RBFOX1: variants seen among roughly 807,000 people sequenced by gnomAD.
RBFOX1 encodes the protein RNA binding protein fox-1 homolog 1.
RBFOX1 carries 8 observed loss-of-function variants against 57.7 expected under a neutral mutation model. The ratio of observed to expected loss-of-function variants is 0.14; its 90% confidence interval spans 0.08 to 0.25. The LOEUF (loss-of-function observed/expected upper bound fraction) is 0.25, where lower values mean the gene tolerates loss of function less well. Among genes scored for constraint, RBFOX1 ranks in the 10% least tolerant of loss-of-function variants. The probability of loss-of-function intolerance (pLI) is 1.00; values close to 1 mark genes in which losing one functional copy is unlikely to be tolerated. For missense variants in RBFOX1, 611 were observed against 548.5 expected (o/e 1.11, Z -1.14); for synonymous variants, 326 against 222.4 (o/e 1.47, Z -4.15).
chr16:5,630,726 T>C (rs997034747), intron 3 of RBFOX1, among the ~76,000 whole-genome samples: 2 of 152,154 alleles, frequency 1.3e-5, no homozygotes, highest in African/African-American at 2.4e-5. Flanking sequence ...GGCTTGTCAT[T>C]CATACCCAGG....
chr16:6,919,608 T>C (rs1209124236), intron 3 of RBFOX1, among the ~76,000 whole-genome samples: 1 of 152,098 alleles, frequency 6.6e-6, no homozygotes, highest in Admixed American at 6.6e-5. Context: ...CCCTGGTATC[T>C]TCGAACAAGT....
intron 3 of RBFOX1, among the ~76,000 whole-genome samples, chr16:6,927,614 G>A (rs1277207076): frequency 6.6e-6 from 1 of 151,894 alleles, no homozygotes; most frequent in Non-Finnish European, 1.5e-5. Context: ...CTGACATTTA[G>A]CAGGGGCTTA....
At chr16:6,111,433 A>C (rs11077004) in intron 1 of RBFOX1, among the ~76,000 whole-genome samples, 97,699 of 151,986 alleles carry the variant, frequency 0.64, 31,657 homozygotes, top group Middle Eastern at 0.72. Context: ...TGAAACCACC[A>C]ACACCTTTTG....
rs117221336 is a variant in RBFOX1 at position 6,099,459 on chromosome 16, T to C, written c.-127+79467T>C. On this transcript the variant is annotated intron_variant, in intron 1 of 15. Transcript: ENST00000550418. ...TCAATTGATTATGTGATTCTATTTTTATAAAATATCCAGAGGAATTAAATC... is the reference window on the plus strand; with the variant it reads ...TCAATTGATTATGTGATTCTATTTTCATAAAATATCCAGAGGAATTAAATC... Among the ~76,000 whole-genome samples, 125 of 152,350 alleles carry C rather than the reference T, an allele frequency of 8.2e-4. 1 individual carries two copies. In the East Asian group the frequency reaches 0.022, roughly 27 times the overall value.
At position 6,410,822 on chromosome 16, in the gene RBFOX1, G is replaced by A. The variant is rs139414820; in HGVS notation, c.-64+93765G>A. 1.8e-3 allele frequency among the ~76,000 whole-genome samples: 281 copies of A among 152,302 alleles called. 2 individuals are homozygous for A. Among genetic ancestry groups the A allele is most frequent in the African/African-American group, 4.9e-3 (203 of 41,576 alleles). ...GGAGTGGAAACAAACCTACCTGGAA[G>A]TAGGCACTGTGGTCTGCACCATTCG... On this transcript the variant is annotated intron_variant, in intron 2 of 15. Coordinates refer to ENST00000550418, the MANE Select transcript of RBFOX1 (RefSeq NM_018723.4).
intron 3 of RBFOX1, among the ~76,000 whole-genome samples, chr16:7,047,322 G>T (rs2048320851): frequency 6.6e-6 from 1 of 152,058 alleles, no homozygotes; most frequent in South Asian, 2.1e-4. Flanking sequence ...AGTATTCTCA[G>T]TTGACAATTA....
In RBFOX1 at chr16:7,534,086, C is replaced by CTTTTCT. The variant is rs1555561495; in HGVS notation, c.270+15701_270+15702insCTTTTT. On this transcript the variant is annotated intron_variant, in intron 5 of 15. Transcript: ENST00000550418. ...TGTCAAAGGTCCCAACGTTTTTTTT[C>CTTTTCT]TTTTTTTTTTTTTTTTGGACATGCA... Among the ~76,000 whole-genome samples the CTTTTCT allele has an allele frequency of 1.5e-4, 19 of 129,916 alleles. No homozygotes were observed. In the East Asian group the frequency reaches 2.6e-3, roughly 18 times the overall value. The allele number at this position is 129,916 out of a possible 152,430, so 85.2% of individuals were successfully genotyped here.
At chr16:5,801,528 G>C (rs1029007808) in intron 3 of RBFOX1, among the ~76,000 whole-genome samples, 2 of 152,118 alleles carry the variant, frequency 1.3e-5, no homozygotes, top group Non-Finnish European at 2.9e-5. Context: ...TATGTGTCTC[G>C]ACACAGGCGC....
chr16:7,285,438 G>A (rs925779236), intron 4 of RBFOX1, among the ~76,000 whole-genome samples: 3 of 151,472 alleles, frequency 2.0e-5, no homozygotes, highest in African/African-American at 7.3e-5. Context: ...TGGTTTTGTA[G>A]AATTTTACCG....
At chr16:7,094,526 ATCT>A (rs2061371906) in intron 4 of RBFOX1, among the ~76,000 whole-genome samples, 2 of 152,272 alleles carry the variant, frequency 1.3e-5, no homozygotes, top group Admixed American at 6.5e-5. Context: ...TTCCTATGTC[ATCT>A]TCTCCTGATG....
chr16:5,253,450 C>T (rs1248035086), intron 1 of RBFOX1, among the ~76,000 whole-genome samples: 3 of 152,138 alleles, frequency 2.0e-5, no homozygotes, highest in African/African-American at 7.2e-5. Flanking sequence ...CCATGCCTGG[C>T]TGGAATTCTG....
chr16:5,669,484 A>G (rs1379023531), intron 3 of RBFOX1, among the ~76,000 whole-genome samples: 2 of 139,012 alleles, frequency 1.4e-5, no homozygotes, highest in Non-Finnish European at 3.0e-5. Context: ...CAGTGGCACT[A>G]TCTTGGCTCA....
chr16:5,764,838 C>G (rs1036495666), intron 3 of RBFOX1, among the ~76,000 whole-genome samples: 3 of 152,150 alleles, frequency 2.0e-5, no homozygotes, highest in Admixed American at 2.0e-4. Context: ...TTATTATTTA[C>G]CAGCCACAGA....
chr16:6,994,225 C>T (rs538859495), intron 3 of RBFOX1, among the ~76,000 whole-genome samples: 2 of 152,122 alleles, frequency 1.3e-5, no homozygotes, highest in Admixed American at 6.5e-5. Context: ...TGCAGTAGTA[C>T]TCTAAGGTTA....
chr16:5,524,052 T>C (rs1597392596), intron 2 of RBFOX1, among the ~76,000 whole-genome samples: 1 of 152,218 alleles, frequency 6.6e-6, no homozygotes, highest in Admixed American at 6.5e-5. Flanking sequence ...CTGTGCTGTT[T>C]GCAATTTAAA....
At position 7,629,064 on chromosome 16, in the gene RBFOX1, G is replaced by A. The variant is rs547446415; in HGVS notation, c.677-1539G>A. 5.9e-5 allele frequency among the ~76,000 whole-genome samples: 9 copies of A among 152,292 alleles called. No homozygotes were observed. In the South Asian group the frequency reaches 6.2e-4, roughly 11 times the overall value. On this transcript the variant is annotated intron_variant, in intron 10 of 15. Transcript: ENST00000550418. ...ACTGTTGTGTGAAGGGCTATTTTGC[G>A]GGTGGGGGTGGCTGTTCTCCAGCTA...
chr16:7,694,021 GTCT>G (rs1402419316), intron 14 of RBFOX1, among the ~76,000 whole-genome samples: 4 of 152,144 alleles, frequency 2.6e-5, no homozygotes, highest in African/African-American at 9.7e-5. Flanking sequence ...AATAACACCT[GTCT>G]TTTTTCTTTG....
intron 3 of RBFOX1, among the ~76,000 whole-genome samples, chr16:7,024,084 G>T (rs949080107): frequency 6.6e-6 from 1 of 152,084 alleles, no homozygotes; most frequent in Non-Finnish European, 1.5e-5. Flanking sequence ...GCAGGGTGTG[G>T]CTTGGCTTAC....
intron 3 of RBFOX1, among the ~76,000 whole-genome samples, chr16:6,987,304 C>T (rs76636720): frequency 3.3e-5 from 5 of 151,984 alleles, no homozygotes; most frequent in Admixed American, 2.6e-4. Flanking sequence ...CTGGTTCAGT[C>T]CCTGAAGTTT....
Sources: allele counts gnomAD v4.1 joint callset (sites outside exome capture counted in the v4.1 genomes callset), GRCh38; gene constraint gnomAD v4.1.1; transcripts MANE v1.5; gene names NCBI Gene and HGNC (gene_info 2026-07-23, HGNC 2026-07-21).